The following CENPE variants were observed in gnomAD, a reference collection of about 807,000 sequenced individuals.
CENPE encodes centromere protein E.
Under a neutral mutation model 336.1 loss-of-function variants are expected in CENPE, and 145 were observed. The observed-to-expected ratio is 0.43, with a 90% CI of 0.38 to 0.50. The LOEUF is 0.50. Among genes scored for constraint, CENPE ranks in the 20% least tolerant of loss-of-function variants. The pLI is 0.00. For synonymous variants in CENPE, 1,013 were observed against 984.8 expected, an observed-to-expected ratio of 1.03 and a Z score of -0.54; for missense variants, 2,719 against 3,023.3, an observed-to-expected ratio of 0.90 and a Z score of 2.36.
At chr4:103,132,205 G>T (rs1236298467) in intron 42 of CENPE, among the ~76,000 whole-genome samples, 1 of 152,068 alleles carries the variant, frequency 6.6e-6, no homozygotes, top group Non-Finnish European at 1.5e-5. Context: ...TGGAGATGGG[G>T]TATAAGAGAA....
chr4:103,197,967 G>A (rs1757865694), intron 1 of CENPE, among the ~76,000 whole-genome samples: 1 of 152,256 alleles, frequency 6.6e-6, no homozygotes, highest in Non-Finnish European at 1.5e-5. Context: ...GACTTCTCTA[G>A]GCGGGGAATG....
chr4:103,127,290 T>G (rs1055590178), intron 42 of CENPE, among the ~76,000 whole-genome samples: 1 of 152,104 alleles, frequency 6.6e-6, no homozygotes. Flanking sequence ...CTGAAGCTAT[T>G]CAAGCTAGAA....
rs769723158 is a variant in CENPE at position 103,139,915 on chromosome 4, T to C, written c.6078A>G (p.Lys2026=). Residue 2026 remains lysine (K), a synonymous_variant, in exon 38 of 49, where the codon AAA becomes AAG. Transcript: ENST00000265148. Reference sequence around the variant, plus strand: ...TTATTTCTTCAAGGCTTTCATGAAGTTTCTTAGTCAACTGGAAGTTATCCA... The same window carrying C: ...TTATTTCTTCAAGGCTTTCATGAAGCTTCTTAGTCAACTGGAAGTTATCCA... ...VRMDNFQLTK[K]LHESLEEIRI... 6.2e-7 allele frequency: 1 copy of C among 1,613,346 alleles called. No homozygotes were observed. The highest frequency in any genetic ancestry group is 8.5e-7 in the Non-Finnish European group (1 of 1,179,676).
chr4:103,111,056 C>G (rs1167090886), intron 46 of CENPE, 45 bp from the exon 47 acceptor site: 9 of 1,383,124 alleles, frequency 6.5e-6, no homozygotes, highest in Non-Finnish European at 8.9e-6. Flanking sequence ...TTAATTGTCT[C>G]CAAAGTTCAA....
At chr4:103,136,598 C>T (rs1301672694) in intron 39 of CENPE, among the ~76,000 whole-genome samples, 1 of 152,096 alleles carries the variant, frequency 6.6e-6, no homozygotes, top group African/African-American at 2.4e-5. Flanking sequence ...AAAGCCAGGA[C>T]CAACCATTCT....
At position 103,181,457 on chromosome 4, in the gene CENPE, C is replaced by A; in HGVS notation, c.964-1G>T. ...TCATATATTTAGCAGTACTGGCAAA[C>A]TGGAAAAAAAATACGAAAGTGCTAA... is the stretch of plus-strand genomic sequence containing the variant. On this transcript the variant is annotated splice_acceptor_variant, in intron 11 of 48. Coordinates refer to ENST00000265148, the MANE Select transcript of CENPE (RefSeq NM_001813.3). LOFTEE classifies it high-confidence loss of function. 6.4e-7 allele frequency: 1 copy of A among 1,551,758 alleles called. No homozygotes were observed. The highest frequency in any genetic ancestry group is 2.4e-5 in the East Asian group (1 of 40,974).
intron 8 of CENPE, among the ~76,000 whole-genome samples, chr4:103,191,816 A>G (rs1358720128): frequency 3.3e-5 from 5 of 152,142 alleles, no homozygotes; most frequent in Non-Finnish European, 5.9e-5. Context: ...TAAAAATAAA[A>G]AAACGTAAAA....
intron 13 of CENPE, among the ~76,000 whole-genome samples, chr4:103,179,420 T>A (rs147430663): frequency 6.6e-6 from 1 of 152,238 alleles, no homozygotes; most frequent in African/African-American, 2.4e-5. Context: ...ATAATGTTTC[T>A]TCACAACTCC....
At position 103,198,315 on chromosome 4, in the gene CENPE, G is replaced by A. The variant is rs1264253462; in HGVS notation, c.5C>T (p.Ala2Val). Residue 2 changes from alanine to valine, a missense_variant, in exon 1 of 49, where the codon GCG (alanine) becomes GTG (valine). Around this residue, in one of 5 missense-constraint regions of CENPE, gnomAD observed 48 missense variants for 50.8 expected, o/e 0.94. Coordinates refer to ENST00000265148, the MANE Select transcript of CENPE (RefSeq NM_001813.3). Reference protein sequence around the residue: MAEEGAVAVCVR... With the variant: MVEEGAVAVCVR... ...GCAGACGGCCACGGCTCCTTCCTCC[G>A]CCATCCTATCAGGCTGAACTGGTCC... 33 of 1,551,052 alleles carry A rather than the reference G, an allele frequency of 2.1e-5. No individual in the cohort carries two copies. Among genetic ancestry groups the A allele is most frequent in the East Asian group, 7.3e-5 (3 of 40,924 alleles).
chr4:103,180,220 G>T, intron 13 of CENPE, 91 bp downstream of exon 13: 1 of 1,162,188 alleles, frequency 8.6e-7, no homozygotes. Flanking sequence ...CTGTATCAAA[G>T]GATAGAAAGT....
At chr4:103,178,801 T>C (rs1362835273) in intron 13 of CENPE, among the ~76,000 whole-genome samples, 6 of 152,224 alleles carry the variant, frequency 3.9e-5, no homozygotes, top group African/African-American at 1.4e-4. Flanking sequence ...CCTGGGCTGC[T>C]TTATGGATTC....
chr4:103,198,072 C>G (rs113307544), intron 1 of CENPE, among the ~76,000 whole-genome samples, 192 bp downstream of exon 1: 1 of 152,368 alleles, frequency 6.6e-6, no homozygotes, highest in South Asian at 2.1e-4. Context: ...AATCTCGCAG[C>G]TGGAAAGTAT....
Position 103,120,215 on chromosome 4 carries a change from A to T in CENPE, c.7262T>A (p.Leu2421His). The change falls in exon 44 of 49, where the codon CTT becomes CAT. Residue 2421 changes from leucine (L) to histidine (H), a missense_variant. Leu to His is a moderately conservative substitution (Grantham distance 99). Transcript: ENST00000265148. ...LEVTNDIIAK[L>H]QAKVHESNKC... The stretch of plus-strand genomic sequence containing the variant: ...ATTTGATTCATGAACTTTGGCTTGA[A>T]GTTTTGCTATTATGTCATTAGTCAC... 1 of 1,612,572 alleles carries T rather than the reference A, an allele frequency of 6.2e-7. No homozygotes were observed. The highest frequency in any genetic ancestry group is 8.5e-7 in the Non-Finnish European group (1 of 1,179,388).
Position 103,132,747 on chromosome 4 carries a change from C to A in CENPE, c.6870G>T (p.Gln2290His). 1 of 1,571,062 alleles carries A rather than the reference C, an allele frequency of 6.4e-7. No homozygotes were observed. Among genetic ancestry groups the A allele is most frequent in the Non-Finnish European group, 8.7e-7 (1 of 1,147,274 alleles). The change falls in exon 42 of 49, where the codon CAG becomes CAT. Residue 2290 changes from glutamine (Q) to histidine (H), a missense_variant. Around this residue, in one of 5 missense-constraint regions of CENPE, gnomAD observed 2,437 missense variants for 2,513.3 expected, o/e 0.97. Coordinates refer to ENST00000265148, the MANE Select transcript of CENPE (RefSeq NM_001813.3). ...FDIEKLKNGI[Q>H]KENDRICQVN... is the part of the protein sequence containing the mutation. The stretch of plus-strand genomic sequence containing the variant: ...CTTGACAAATCCTATCATTTTCTTT[C>A]TGGATGCCATTTTTAAGCTTTTCTA...
intron 16 of CENPE, among the ~76,000 whole-genome samples, chr4:103,166,496 T>C (rs1449865215): frequency 3.3e-5 from 5 of 152,190 alleles, no homozygotes; most frequent in African/African-American, 1.2e-4. Context: ...TGAAACCCTG[T>C]GGAGAACTTA....
intron 15 of CENPE, among the ~76,000 whole-genome samples, chr4:103,175,608 T>A (rs1163556611): frequency 6.6e-6 from 1 of 152,120 alleles, no homozygotes; most frequent in East Asian, 1.9e-4. Context: ...CTCTCCCTGA[T>A]ATATTATTCT....
At chr4:103,141,651 C>T (rs1578593401) in intron 35 of CENPE, 99 bp downstream of exon 35, 2 of 774,390 alleles carry the variant, frequency 2.6e-6, no homozygotes, top group Non-Finnish European at 4.1e-6. Flanking sequence ...TAAATACTGC[C>T]AAGGTGTTTT....
intron 16 of CENPE, among the ~76,000 whole-genome samples, chr4:103,169,266 A>G (rs1311438393): frequency 2.0e-5 from 3 of 152,044 alleles, no homozygotes; most frequent in Non-Finnish European, 2.9e-5. Context: ...AAAAAGGATG[A>G]AAAGGAATGA....
intron 8 of CENPE, 85 bp from the exon 9 acceptor site, chr4:103,185,946 T>C (rs1478730967): frequency 1.2e-5 from 10 of 850,900 alleles, no homozygotes; most frequent in Non-Finnish European, 1.6e-5. Flanking sequence ...TTTTAATACA[T>C]GGTATATCTG....
Sources: allele counts gnomAD v4.1 joint callset (sites outside exome capture counted in the v4.1 genomes callset), GRCh38; gene constraint gnomAD v4.1.1; regional missense constraint gnomAD v4.1.1; transcripts MANE v1.5; gene names NCBI Gene and HGNC (gene_info 2026-07-23, HGNC 2026-07-21).